The following DFFB variants were observed in gnomAD, a reference collection of about 807,000 sequenced individuals.
The protein encoded by DFFB is DNA fragmentation factor subunit beta.
A neutral mutation model predicts 32.7 loss-of-function variants in DFFB; 29 were observed. The ratio of observed to expected loss-of-function variants is 0.89; its 90% CI spans 0.66 to 1.21. The LOEUF (loss-of-function observed/expected upper bound fraction) is 1.21. DFFB is among the 50% of genes most tolerant of loss of function. The pLI, the probability that DFFB is intolerant of heterozygous loss-of-function variation, is 0.00. For missense variants in DFFB, 398 were observed against 440.6 expected (o/e 0.90, Z 0.87); for synonymous variants, 170 against 177.1 (o/e 0.96, Z 0.32).
In DFFB at chr1:3,884,577, T is replaced by G. The variant is rs45603135; in HGVS notation, c.*836T>G. On this transcript the variant is annotated 3_prime_UTR_variant, in exon 7 of 7. Coordinates refer to ENST00000378209, the MANE Select transcript of DFFB (RefSeq NM_004402.4). The stretch of plus-strand genomic sequence containing the variant: ...AAGGACATTCACTGCTGATTTTTTT[T>G]TTTGTTTGTTTGAGACAGGGTCTCA... The G allele has an allele frequency of 0.12, 17,970 of 152,148 alleles. 1,202 individuals are homozygous for G. The highest frequency in any genetic ancestry group is 0.15 in the Non-Finnish European group (10,508 of 68,008). The allele number at this position is 152,148 out of a possible 1,614,324, so 9.4% of individuals were successfully genotyped here.
intron 6 of DFFB, among the ~76,000 whole-genome samples, chr1:3,873,989 C>T (rs930540255): frequency 1.3e-5 from 2 of 151,812 alleles, no homozygotes; most frequent in Non-Finnish European, 2.9e-5. Flanking sequence ...TACTCAGCCT[C>T]TACACCTTGC....
intron 5 of DFFB, among the ~76,000 whole-genome samples, chr1:3,871,524 T>G (rs979815367): frequency 1.1e-4 from 16 of 152,124 alleles, no homozygotes; most frequent in African/African-American, 3.9e-4. Flanking sequence ...TGACCTCAGG[T>G]GATCCACCCA....
Position 3,857,700 on chromosome 1 carries a change from G to T in DFFB, c.97G>T (p.Gly33Cys). The T allele has an allele frequency of 6.4e-7, 1 of 1,552,060 alleles. No individual in the cohort carries two copies. Among genetic ancestry groups the T allele is most frequent in the East Asian group, 2.4e-5 (1 of 41,016 alleles). ...GRSCQEVLRK[G>C]CLRFQLPERG... is the part of the protein sequence containing the mutation. Reference sequence around the variant, plus strand: ...GAGCTGCCAGGAGGTGCTGCGCAAGGGCTGTCTCCGCTTCCAGGTGCCCGC... The same window carrying T: ...GAGCTGCCAGGAGGTGCTGCGCAAGTGCTGTCTCCGCTTCCAGGTGCCCGC... The change falls in exon 1 of 7, where the codon GGC becomes TGC. Residue 33 changes from glycine to cysteine, a missense_variant. Physicochemically the swap from Gly to Cys is radical, Grantham distance 159 (BLOSUM62 -3). Coordinates refer to ENST00000378209, the MANE Select transcript of DFFB (RefSeq NM_004402.4).
chr1:3,875,211 G>A (rs757821979), intron 6 of DFFB, among the ~76,000 whole-genome samples: 1 of 152,196 alleles, frequency 6.6e-6, no homozygotes, highest in Non-Finnish European at 1.5e-5. Flanking sequence ...AAATCCCTGG[G>A]ATGAACACTC....
At chr1:3,883,023 G>T (rs1169345025) in intron 6 of DFFB, among the ~76,000 whole-genome samples, 2 of 144,820 alleles carry the variant, frequency 1.4e-5, no homozygotes, top group Admixed American at 6.9e-5. Context: ...TTTTTTTTGA[G>T]ATGGTGTTTT....
chr1:3,871,291 TTTTG>T (rs1044146757), intron 5 of DFFB, among the ~76,000 whole-genome samples: 1 of 152,070 alleles, frequency 6.6e-6, no homozygotes. Flanking sequence ...AGAGCTTTTT[TTTTG>T]TTTGTTTGTT....
At position 3,857,695 on chromosome 1, in the gene DFFB, G is replaced by T. The variant is rs777002674; in HGVS notation, c.92G>T (p.Arg31Leu). ...VAGRSCQEVL[R>L]KGCLRFQLPE... Reference sequence around the variant, plus strand: ...GGCCGGAGCTGCCAGGAGGTGCTGCGCAAGGGCTGTCTCCGCTTCCAGGTG... The same window carrying T: ...GGCCGGAGCTGCCAGGAGGTGCTGCTCAAGGGCTGTCTCCGCTTCCAGGTG... The change falls in exon 1 of 7, where the codon CGC (arginine) becomes CTC (leucine). Residue 31 changes from arginine to leucine, a missense_variant. By Grantham distance (102) the Arg-to-Leu change is moderately radical. Transcript: ENST00000378209. 1.3e-6 allele frequency: 2 copies of T among 1,563,830 alleles called. No individual in the cohort carries two copies. The highest frequency in any genetic ancestry group is 2.4e-5 in the South Asian group (2 of 84,372).
chr1:3,864,214 C>T (rs1644931441), intron 2 of DFFB, among the ~76,000 whole-genome samples: 1 of 152,172 alleles, frequency 6.6e-6, no homozygotes, highest in African/African-American at 2.4e-5. Context: ...ATCTGCCTGC[C>T]TCGGCCTCCG....
At chr1:3,877,328 G>GT (rs5772128) in intron 6 of DFFB, among the ~76,000 whole-genome samples, 52,688 of 113,138 alleles carry the variant, frequency 0.47, 14,020 homozygotes, top group Non-Finnish European at 0.55. Context: ...TGGGAGTTCA[G>GT]TTTTTTTTTT....
rs545284178 is a variant in DFFB at position 3,865,963 on chromosome 1, G to C, written c.393G>C (p.Ala131=). 3.1e-6 allele frequency: 5 copies of C among 1,588,160 alleles called. No individual in the cohort carries two copies. Among genetic ancestry groups the C allele is most frequent in the Non-Finnish European group, 4.3e-6 (5 of 1,164,182 alleles). Residue 131 remains alanine (A), a synonymous_variant, in exon 3 of 7, where the codon GCG becomes GCC. Transcript: ENST00000378209. The surrounding 1 kb of genome is among the most constrained non-coding windows in gnomAD (Gnocchi z 4.7). The stretch of plus-strand genomic sequence containing the variant: ...TGCACAACGTCAGCCAGAACATCGC[G>C]GCCGAGACCCGGGCTGAGGACCCGC... The part of the protein sequence containing the change: ...DLLHNVSQNI[A]AETRAEDPPW...
At chr1:3,862,309 A>G (rs115343941) in intron 2 of DFFB, among the ~76,000 whole-genome samples, 1,845 of 152,358 alleles carry the variant, frequency 0.012, 13 homozygotes, top group Middle Eastern at 0.034. Flanking sequence ...TACAAATTCA[A>G]CACAATCCCT....
chr1:3,865,831 C>T lies in DFFB; in HGVS notation c.261C>T (p.Arg87=), dbSNP rs368962997. Residue 87 remains arginine (R), a synonymous_variant, in exon 3 of 7, where the codon CGC becomes CGT. Coordinates refer to ENST00000378209, the MANE Select transcript of DFFB (RefSeq NM_004402.4). This position sits in a 1 kb window ranked among gnomAD's most constrained non-coding sequence, Gnocchi z 4.7. The part of the protein sequence containing the change: ...AWQGYVSDIR[R]FLSAFHEPQV... ...TGGCAGATGTGAGCGACATCAGGCG[C>T]TTCCTCAGTGCATTTCACGAGCCAC... 141 of 1,614,034 alleles carry T rather than the reference C, an allele frequency of 8.7e-5. No individual in the cohort carries two copies. Among genetic ancestry groups the T allele is most frequent in the Non-Finnish European group, 1.2e-4 (136 of 1,180,044 alleles).
At chr1:3,866,071 C>A in intron 3 of DFFB, 71 bp downstream of exon 3, 4 of 1,320,928 alleles carry the variant, frequency 3.0e-6, no homozygotes, top group East Asian at 2.5e-5. Flanking sequence ...AGTTGGATTC[C>A]AAAAAGCCCC....
intron 2 of DFFB, among the ~76,000 whole-genome samples, chr1:3,863,267 C>A (rs577357411): frequency 6.6e-6 from 1 of 152,150 alleles, no homozygotes; most frequent in Admixed American, 6.5e-5. Flanking sequence ...TTCAAGTGGT[C>A]GTAAGCACAG....
rs1638239695 is a variant in DFFB, at chr1:3,883,577, G to A, written c.853G>A (p.Asp285Asn). 3 of 1,614,214 alleles carry A rather than the reference G, an allele frequency of 1.9e-6. No homozygotes were observed. Among genetic ancestry groups the A allele is most frequent in the Non-Finnish European group, 2.5e-6 (3 of 1,180,038 alleles). ...TAAGGAACAAGATGGAAGAGAAGTG[G>A]ACTGGGAGTATTTTTATGGCCTGCT... ...AIKEQDGREV[D>N]WEYFYGLLFT... The change falls in exon 7 of 7, where the codon GAC becomes AAC. Residue 285 changes from aspartate (D) to asparagine (N), a missense_variant. Coordinates refer to ENST00000378209, the MANE Select transcript of DFFB (RefSeq NM_004402.4).
At chr1:3,866,106 C>T (rs998910707) in intron 3 of DFFB, 106 bp downstream of exon 3, 72 of 974,806 alleles carry the variant, frequency 7.4e-5, no homozygotes, top group South Asian at 1.8e-4. Context: ...CCTGTACCCT[C>T]GTGGGTTGAG....
intron 6 of DFFB, among the ~76,000 whole-genome samples, chr1:3,882,611 C>T (rs765653776): frequency 1.3e-4 from 20 of 152,140 alleles, no homozygotes; most frequent in Non-Finnish European, 2.5e-4. Flanking sequence ...GTGATCCGCA[C>T]GCCTCAGCCT....
intron 2 of DFFB, among the ~76,000 whole-genome samples, chr1:3,864,023 G>C (rs1644927476): frequency 6.6e-6 from 1 of 152,092 alleles, no homozygotes; most frequent in South Asian, 2.1e-4. Context: ...CTGGAGTACA[G>C]TGGCGCGATC....
chr1:3,870,530 T>G (rs1570920985), intron 5 of DFFB, among the ~76,000 whole-genome samples: 1 of 152,216 alleles, frequency 6.6e-6, no homozygotes, highest in East Asian at 1.9e-4. Context: ...GTGCGCTCGC[T>G]CACCACTCAG....
Sources: gnomAD v4.1 joint callset for allele counts (sites outside exome capture counted in the v4.1 genomes callset) on GRCh38, gnomAD v4.1.1 for gene constraint, Gnocchi (gnomAD v3.1) non-coding constraint, MANE v1.5 for transcripts, NCBI Gene and HGNC (gene_info 2026-07-23, HGNC 2026-07-21) for gene names.